ZFP92: variants seen among roughly 807,000 people sequenced by gnomAD.
ZFP92 encodes zinc finger protein 92 homolog.
Under a neutral mutation model 7.6 loss-of-function variants are expected in ZFP92, and 2 were observed. The observed-to-expected ratio is 0.26, with a 90% CI of 0.11 to 0.83. The LOEUF (loss-of-function observed/expected upper bound fraction) is 0.83. Among genes scored for constraint, ZFP92 ranks in the 40% least tolerant of loss-of-function variants. The pLI is 0.65. For synonymous variants in ZFP92, 226 were observed against 183.6 expected (o/e 1.23, Z -1.87); for missense variants, 324 against 408.3 (o/e 0.79, Z 1.78).
rs1256659995 is a variant in ZFP92, at chrX:153,423,592, C to G, written c.*1964C>G. The G allele has an allele frequency of 8.9e-6, 1 of 112,907 alleles. No individual in the cohort carries two copies. Among genetic ancestry groups the G allele is most frequent in the African/African-American group, 3.2e-5 (1 of 31,086 alleles). 9.3% of individuals were successfully genotyped at this position (112,907 alleles called of 1,213,427 possible). The stretch of plus-strand genomic sequence containing the variant: ...TGTGTGTCATGCCTGTCCCCATGTC[C>G]TTGATGCCAAGCCCGGTGCTGGTAA... On this transcript the variant is annotated 3_prime_UTR_variant, in exon 6 of 6. Coordinates refer to ENST00000338647, the MANE Select transcript of ZFP92 (RefSeq NM_001136273.2).
chrX:153,418,426 C>T, intron 3 of ZFP92, 71 bp downstream of exon 3: 1 of 1,125,384 alleles, frequency 8.9e-7, no homozygotes, highest in Non-Finnish European at 1.2e-6. Flanking sequence ...ATGCCCAGGC[C>T]TCTCCAGCTG....
At chrX:153,414,451 C>T (rs1420189780) in intron 2 of ZFP92, among the ~76,000 whole-genome samples, 2 of 111,441 alleles carry the variant, frequency 1.8e-5, no homozygotes, top group African/African-American at 3.3e-5. Context: ...CAGTTCAAGC[C>T]ATCACCCCAC....
intron 1 of ZFP92, among the ~76,000 whole-genome samples, 96 bp from the exon 2 acceptor site, chrX:153,411,869 G>A (rs1010188170): frequency 3.5e-5 from 2 of 57,497 alleles, no homozygotes; most frequent in African/African-American, 1.4e-4. Flanking sequence ...CCTCGGGGCC[G>A]CCCCGTACCA....
At position 153,425,045 on chromosome X, in the gene ZFP92, T is replaced by C. The variant is rs1186738002; in HGVS notation, c.*3417T>C. On this transcript the variant is annotated 3_prime_UTR_variant, in exon 6 of 6. Coordinates refer to ENST00000338647, the MANE Select transcript of ZFP92 (RefSeq NM_001136273.2). The stretch of plus-strand genomic sequence containing the variant: ...GCCCAGGGGTGCAGGCTCCTCTGAC[T>C]GGGACCACAGGCAGCCACCCGAGGC... The C allele has an allele frequency of 8.9e-6, 1 of 112,474 alleles. No homozygotes were observed. The highest frequency in any genetic ancestry group is 1.9e-5 in the Non-Finnish European group (1 of 53,259). 9.3% of individuals were successfully genotyped at this position (112,474 alleles called of 1,213,427 possible).
At position 153,418,294 on chromosome X, in the gene ZFP92, A is replaced by C. The variant is rs1456434470; in HGVS notation, c.-18-11A>C. 2.6e-6 allele frequency: 3 copies of C among 1,164,884 alleles called. No individual in the cohort carries two copies. The African/African-American group carries it at 5.4e-5, about 21-fold the overall frequency. Reference sequence around the variant, plus strand: ...CCTGGGCTCACAGGGGGCTCTTTGCATTTCCCTTAGCTCCTCTGCGCCCTG... The same window carrying C: ...CCTGGGCTCACAGGGGGCTCTTTGCCTTTCCCTTAGCTCCTCTGCGCCCTG... On this transcript the variant is annotated splice_polypyrimidine_tract_variant and intron_variant, in intron 2 of 5. Transcript: ENST00000338647.
At chrX:153,418,445 T>G (rs2088972730) in intron 3 of ZFP92, 90 bp downstream of exon 3, 2 of 1,086,347 alleles carry the variant, frequency 1.8e-6, no homozygotes, top group African/African-American at 3.7e-5. Context: ...TGGGCTGAGC[T>G]TAGGCTGCCC....
In ZFP92 at chrX:153,426,385, GGACCACAATACCTGTTGAA is replaced by G. The variant is rs1556976387; in HGVS notation, c.*4758_*4776del. 1 of 111,016 alleles carries G rather than the reference GGACCACAATACCTGTTGAA, an allele frequency of 9.0e-6. No individual in the cohort carries two copies. The highest frequency in any genetic ancestry group is 3.3e-5 in the African/African-American group (1 of 30,425). The allele number at this position is 111,016 out of a possible 1,213,427, so 9.1% of individuals were successfully genotyped here. A position where few individuals can be genotyped will look rare whatever the true frequency, so the allele number is the denominator to read the frequency against. ...GTTGGTAGGATCCCATTGTATGGGT[GGACCACAATACCTGTTGAA>G]TACCTGTTGATGGACATTTGGGTTG... On this transcript the variant is annotated 3_prime_UTR_variant, in exon 6 of 6. Transcript: ENST00000338647.
At position 153,423,339 on chromosome X, in the gene ZFP92, C is replaced by T. The variant is rs781971278; in HGVS notation, c.*1711C>T. 3 of 109,130 alleles carry T rather than the reference C, an allele frequency of 2.7e-5. No individual in the cohort carries two copies. Among genetic ancestry groups the T allele is most frequent in the Non-Finnish European group, 3.8e-5 (2 of 52,551 alleles). 9.0% of individuals were successfully genotyped at this position (109,130 alleles called of 1,213,427 possible). On this transcript the variant is annotated 3_prime_UTR_variant, in exon 6 of 6. Transcript: ENST00000338647. ...AAGACCCAAACATACAGGATTCCCT[C>T]GGAGAATGCTGCTTGGAGTGCCAGT...
chrX:153,419,645 A>C (rs1210453252), intron 4 of ZFP92, among the ~76,000 whole-genome samples: 4 of 112,368 alleles, frequency 3.6e-5, no homozygotes, highest in African/African-American at 1.3e-4. Flanking sequence ...CTGGAGGGGA[A>C]ATCCAGAGGG....
chrX:153,422,926 G>A lies in ZFP92; in HGVS notation c.*1298G>A, dbSNP rs1260511154. On this transcript the variant is annotated 3_prime_UTR_variant, in exon 6 of 6. Transcript: ENST00000338647. ...CCACCCCAGGCCTGCCCCCAGATGA[G>A]TGTGGTGGCAAGCCTGGCCCCTCTT... 1.8e-5 allele frequency: 2 copies of A among 112,614 alleles called. No homozygotes were observed. Among genetic ancestry groups the A allele is most frequent in the Admixed American group, 9.3e-5 (1 of 10,762 alleles). 9.3% of individuals were successfully genotyped at this position (112,614 alleles called of 1,213,427 possible). A position where few individuals can be genotyped will look rare whatever the true frequency, so the allele number is the denominator to read the frequency against.
At chrX:153,417,243 C>T (rs1452119684) in intron 2 of ZFP92, among the ~76,000 whole-genome samples, 1 of 112,467 alleles carries the variant, frequency 8.9e-6, no homozygotes, top group Non-Finnish European at 1.9e-5. Context: ...GCTGTCCCTC[C>T]AGGGTCCCAC....
intron 2 of ZFP92, among the ~76,000 whole-genome samples, chrX:153,413,576 G>A (rs1556973317): frequency 9.1e-6 from 1 of 110,009 alleles, no homozygotes; most frequent in Non-Finnish European, 1.9e-5. Flanking sequence ...ATTCTCACCT[G>A]TGTGCCCGAT....
chrX:153,416,746 G>A (rs2088954988), intron 2 of ZFP92, among the ~76,000 whole-genome samples: 1 of 111,779 alleles, frequency 8.9e-6, no homozygotes, highest in African/African-American at 3.3e-5. Flanking sequence ...ACCAGAGGCT[G>A]GGTAATTTAT....
rs1203611940 is a variant in ZFP92 at position 153,411,994 on chromosome X, T to C, written c.-38T>C. 1.2e-4 allele frequency among the ~76,000 whole-genome samples: 14 copies of C among 112,812 alleles called. No individual in the cohort carries two copies. Among genetic ancestry groups the C allele is most frequent in the African/African-American group, 4.5e-4 (14 of 31,095 alleles). On this transcript the variant is annotated 5_prime_UTR_variant, in exon 2 of 6. Transcript: ENST00000338647. ...CGGTCCCGAGGCTGGCTAAAGAGCA[T>C]CCTGTCGCTGATCTGCCTGGTGAGT... is the stretch of plus-strand genomic sequence containing the variant.
At chrX:153,412,601 T>C (rs5945306) in intron 2 of ZFP92, among the ~76,000 whole-genome samples, 19,725 of 111,432 alleles carry the variant, frequency 0.18, 1,406 homozygotes, top group East Asian at 0.38. Flanking sequence ...TTGAAGGTGG[T>C]AAAAGAGCGA....
At position 153,411,491 on chromosome X, in the gene ZFP92, G is replaced by C. The variant is rs1288540904; in HGVS notation, c.-280G>C. 9.0e-6 allele frequency among the ~76,000 whole-genome samples: 1 copy of C among 111,724 alleles called. No individual in the cohort carries two copies. The highest frequency in any genetic ancestry group is 2.9e-4 in the East Asian group (1 of 3,474). On this transcript the variant is annotated 5_prime_UTR_variant, in exon 1 of 6. Transcript: ENST00000338647. ...GGCCCCGCCCGCTCCCGGCCCGCTC[G>C]TCGGCGCACCAGACTGAGACTCCCC...
chrX:153,421,734 C>T lies in ZFP92; in HGVS notation c.*106C>T, dbSNP rs184339185. ...TGGGAAGACCGCCCTCCCAGGGCCTCGATTGCGGCCACAGCCCTGACCTCT... is the reference window on the plus strand; with the variant it reads ...TGGGAAGACCGCCCTCCCAGGGCCTTGATTGCGGCCACAGCCCTGACCTCT... On this transcript the variant is annotated 3_prime_UTR_variant, in exon 6 of 6. Transcript: ENST00000338647. 19 of 864,996 alleles carry T rather than the reference C, an allele frequency of 2.2e-5. No homozygotes were observed. The Admixed American group carries it at 9.1e-4, about 42-fold the overall frequency. 71.3% of individuals were successfully genotyped at this position (864,996 alleles called of 1,213,427 possible). A position where few individuals can be genotyped will look rare whatever the true frequency, so the allele number is the denominator to read the frequency against.
chrX:153,423,400 A>ACT lies in ZFP92; in HGVS notation c.*1773_*1774insTC, dbSNP rs2089020997. On this transcript the variant is annotated 3_prime_UTR_variant, in exon 6 of 6. Coordinates refer to ENST00000338647, the MANE Select transcript of ZFP92 (RefSeq NM_001136273.2). The stretch of plus-strand genomic sequence containing the variant: ...ACTCCAGAAATAATGTTATACACAC[A>ACT]CACACACACACACACACACACACAC... 1 of 93,306 alleles carries ACT rather than the reference A, an allele frequency of 1.1e-5. No homozygotes were observed. The highest frequency in any genetic ancestry group is 4.2e-5 in the African/African-American group (1 of 24,084). The allele number at this position is 93,306 out of a possible 1,213,427, so 7.7% of individuals were successfully genotyped here.
chrX:153,413,424 T>A (rs1245119991), intron 2 of ZFP92, among the ~76,000 whole-genome samples: 1 of 107,364 alleles, frequency 9.3e-6, no homozygotes, highest in African/African-American at 3.4e-5. Flanking sequence ...GTTCCACCCA[T>A]AGGCTAAGGT....
Sources: gnomAD v4.1 joint callset for allele counts (sites outside exome capture counted in the v4.1 genomes callset) on GRCh38, gnomAD v4.1.1 for gene constraint, MANE v1.5 for transcripts, NCBI Gene and HGNC (gene_info 2026-07-23, HGNC 2026-07-21) for gene names.